Variants in SLC4A2 observed in about 807,000 individuals in gnomAD.
SLC4A2 encodes solute carrier family 4 member 2.
SLC4A2 carries 36 observed loss-of-function variants against 115.0 expected under a neutral mutation model. The observed-to-expected ratio is 0.31, with a 90% CI of 0.24 to 0.41. The LOEUF is 0.41. SLC4A2 is among the 10% of genes least tolerant of loss of function. SLC4A2 has a pLI of 1.00. For synonymous variants in SLC4A2, 708 were observed against 708.3 expected, an observed-to-expected ratio of 1.00 and a Z score of 0.01; for missense variants, 1,252 against 1,705.6, an observed-to-expected ratio of 0.73 and a Z score of 4.68.
At chr7:151,062,518 AT>A in intron 2 of SLC4A2, 1 of 1,368,854 alleles carries the variant, frequency 7.3e-7, no homozygotes, top group Non-Finnish European at 9.4e-7. Flanking sequence ...AGGAGTCTTA[AT>A]GATTAACCCC....
intron 16 of SLC4A2, among the ~76,000 whole-genome samples, chr7:151,073,440 C>T (rs1223506133): frequency 2.0e-5 from 3 of 151,970 alleles, no homozygotes; most frequent in Admixed American, 6.6e-5. Context: ...GTGCCCACCA[C>T]GCCCAGCTAG....
intron 2 of SLC4A2, chr7:151,062,688 TC>T (rs1797092390): frequency 1.3e-6 from 2 of 1,492,314 alleles, no homozygotes; most frequent in Non-Finnish European, 8.9e-7. Flanking sequence ...CGACCCTCTC[TC>T]CCCATGGCGG....
intron 21 of SLC4A2, 28 bp from the exon 22 acceptor site, chr7:151,075,984 AG>A (rs760059602): frequency 6.4e-7 from 1 of 1,556,750 alleles, no homozygotes; most frequent in South Asian, 1.2e-5. Flanking sequence ...CTAGGGAGGA[AG>A]CTGGGCTCAC....
intron 2 of SLC4A2, among the ~76,000 whole-genome samples, chr7:151,063,857 T>C (rs979075564): frequency 7.2e-5 from 11 of 152,110 alleles, no homozygotes; most frequent in African/African-American, 2.7e-4. Context: ...GCCTCCTGAG[T>C]AGCTGGGATT....
rs200155533 is a variant in SLC4A2, at chr7:151,070,101, G to A, written c.1283+19G>A. ...AACACAGGTGAGGCCCTGTGGGCCA[G>A]TTGGGGATGACACTTCAGCCCACCT... On this transcript the variant is annotated intron_variant, in intron 9 of 22. Coordinates refer to ENST00000413384, the MANE Select transcript of SLC4A2 (RefSeq NM_003040.4). The A allele has an allele frequency of 3.7e-4, 605 of 1,613,916 alleles. No homozygotes were observed. Among genetic ancestry groups the A allele is most frequent in the Non-Finnish European group, 4.8e-4 (563 of 1,179,864 alleles).
Position 151,061,964 on chromosome 7 carries a change from A to G in SLC4A2, c.-24A>G. On this transcript the variant is annotated 5_prime_UTR_variant, in exon 2 of 23. Transcript: ENST00000413384. ...TCGTTGCCCTGAAAGCCGCAGCGACAGCGAAAAGGGCTAAGATTCGGCCAT... is the reference window on the plus strand; with the variant it reads ...TCGTTGCCCTGAAAGCCGCAGCGACGGCGAAAAGGGCTAAGATTCGGCCAT... 6.2e-7 allele frequency: 1 copy of G among 1,608,212 alleles called. No homozygotes were observed. The highest frequency in any genetic ancestry group is 8.5e-7 in the Non-Finnish European group (1 of 1,178,722).
At chr7:151,062,652 C>T (rs1010710345) in intron 2 of SLC4A2, 3 of 1,524,694 alleles carry the variant, frequency 2.0e-6, no homozygotes, top group African/African-American at 2.8e-5. Flanking sequence ...GGACTTCCTC[C>T]TGCGGCCTCA....
intron 8 of SLC4A2, among the ~76,000 whole-genome samples, chr7:151,069,666 C>T: frequency 6.6e-6 from 1 of 152,070 alleles, no homozygotes; most frequent in Non-Finnish European, 1.5e-5. Context: ...GAAGGGGTGT[C>T]TGACAGGCGT....
In SLC4A2 at chr7:151,074,430, C is replaced by T. The variant is rs1285055295; in HGVS notation, c.2822C>T (p.Pro941Leu). 1.2e-6 allele frequency: 2 copies of T among 1,614,004 alleles called. No individual in the cohort carries two copies. The highest frequency in any genetic ancestry group is 1.7e-5 in the Admixed American group (1 of 60,028). ...IRRVIGDFGV[P>L]IAILIMVLVD... ...CGGGTGATTGGGGACTTTGGGGTGC[C>T]CATCGCCATCCTCATCATGGTGCTT... Residue 941 changes from proline (P) to leucine (L), a missense_variant, in exon 18 of 23, where the codon CCC (proline) becomes CTC (leucine). By Grantham distance (98) the Pro-to-Leu change is moderately conservative. Transcript: ENST00000413384.
chr7:151,072,369 G>C (rs1228798666), intron 16 of SLC4A2, among the ~76,000 whole-genome samples: 1 of 151,838 alleles, frequency 6.6e-6, no homozygotes. Flanking sequence ...TTGGCTCCCC[G>C]CAACTTCTGC....
upstream of SLC4A2, chr7:151,058,852 A>G (rs1032815412): frequency 6.6e-6 from 1 of 152,284 alleles, no homozygotes; most frequent in Non-Finnish European, 1.5e-5. Context: ...CTTGAGGGCT[A>G]TGGACCGAGG....
rs150503454 is a variant in SLC4A2, at chr7:151,071,498, A to T, written c.2084A>T (p.His695Leu). ...CGAGATGTGCGGCGCCGCTATCCCC[A>T]CTACCTGAGTGACTTCCGAGATGCA... is the stretch of plus-strand genomic sequence containing the variant. ...LIRDVRRRYP[H>L]YLSDFRDALD... Residue 695 changes from histidine (H) to leucine (L), a missense_variant, in exon 14 of 23, where the codon CAC becomes CTC. His to Leu is a moderately conservative substitution (Grantham distance 99). This residue lies in a region of SLC4A2 where 122 missense variants were observed against 116.8 expected (regional missense o/e 1.04). Coordinates refer to ENST00000413384, the MANE Select transcript of SLC4A2 (RefSeq NM_003040.4). This position sits in a 1 kb window ranked among gnomAD's most constrained non-coding sequence, Gnocchi z 5.5. 3.2e-5 allele frequency: 51 copies of T among 1,613,418 alleles called. No individual in the cohort carries two copies. Among genetic ancestry groups the T allele is most frequent in the Non-Finnish European group, 4.2e-5 (49 of 1,179,972 alleles).
In SLC4A2 at chr7:151,076,387, G is replaced by C. The variant is rs199681751; in HGVS notation, c.*20G>C. Reference sequence around the variant, plus strand: ...GTGTAGCCGCCACCGAGGGACAGCCGAGGGACCGATGGACGAGGGGACAGG... The same window carrying C: ...GTGTAGCCGCCACCGAGGGACAGCCCAGGGACCGATGGACGAGGGGACAGG... On this transcript the variant is annotated 3_prime_UTR_variant, in exon 23 of 23. Coordinates refer to ENST00000413384, the MANE Select transcript of SLC4A2 (RefSeq NM_003040.4). 3.4e-6 allele frequency: 5 copies of C among 1,479,308 alleles called. No homozygotes were observed. In the Admixed American group the frequency reaches 1.3e-4, roughly 38 times the overall value. The allele number at this position is 1,479,308 out of a possible 1,614,324, so 91.6% of individuals were successfully genotyped here. A position where few individuals can be genotyped will look rare whatever the true frequency, so the allele number is the denominator to read the frequency against.
chr7:151,072,461 T>C (rs923795757), intron 16 of SLC4A2, among the ~76,000 whole-genome samples: 1 of 151,526 alleles, frequency 6.6e-6, no homozygotes, highest in African/African-American at 2.4e-5. Context: ...CTGGCTAATT[T>C]TTGTAATTTT....
In SLC4A2 at chr7:151,071,231, C is replaced by T. The variant is rs916701727; in HGVS notation, c.1909C>T (p.Arg637Ter). The T allele has an allele frequency of 2.5e-6, 4 of 1,586,312 alleles. No homozygotes were observed. Among genetic ancestry groups the T allele is most frequent in the Middle Eastern group, 1.7e-4 (1 of 5,818 alleles). Residue 637 changes from arginine to a stop codon, truncating the protein, a stop_gained, in exon 13 of 23, where the codon CGA (arginine) becomes TGA (stop). Coordinates refer to ENST00000413384, the MANE Select transcript of SLC4A2 (RefSeq NM_003040.4). LOFTEE classifies it high-confidence loss of function. This position sits in a 1 kb window ranked among gnomAD's most constrained non-coding sequence, Gnocchi z 5.5. ...CTTCCAGCGCCAGATGCTCAAGAAG[C>T]GAGAGGAGCAGGGCCGGCTGCTACC... ...AHFQRQMLKKREEQGRLLPTG... is the reference protein window; with the variant it reads ...AHFQRQMLKK
Position 151,076,332 on chromosome 7 carries a change from G to A in SLC4A2, c.3691G>A (p.Val1231Met), listed in dbSNP as rs1396859116. The A allele has an allele frequency of 6.5e-7, 1 of 1,536,232 alleles. No individual in the cohort carries two copies. The highest frequency in any genetic ancestry group is 8.8e-7 in the Non-Finnish European group (1 of 1,139,850). ...GCCGGTGTTTGATGAGCGGGAGGGT[G>A]TGGACGAGTACAATGAGATGCCCAT... ...AEPVFDEREG[V>M]DEYNEMPMPV The change falls in exon 23 of 23, where the codon GTG becomes ATG. Residue 1231 changes from valine to methionine, a missense_variant. Val to Met is a conservative substitution (Grantham distance 21). This residue lies in a region of SLC4A2 where 5 missense variants were observed against 16.9 expected (regional missense o/e 0.30). Transcript: ENST00000413384.
In SLC4A2 at chr7:151,066,447, G is replaced by A. The variant is rs1402065188; in HGVS notation, c.579-70G>A. Reference sequence around the variant, plus strand: ...GATGTGGGTCCCCTCCCTGGCTACCGCCTGCGTGGGTGCTGGGCGTGGGGG... The same window carrying A: ...GATGTGGGTCCCCTCCCTGGCTACCACCTGCGTGGGTGCTGGGCGTGGGGG... On this transcript the variant is annotated intron_variant, in intron 5 of 22. Transcript: ENST00000413384. 12 of 1,438,664 alleles carry A rather than the reference G, an allele frequency of 8.3e-6. No homozygotes were observed. In the South Asian group the frequency reaches 1.2e-4, roughly 14 times the overall value. 89.1% of individuals were successfully genotyped at this position (1,438,664 alleles called of 1,614,324 possible). A position where few individuals can be genotyped will look rare whatever the true frequency, so the allele number is the denominator to read the frequency against.
intron 2 of SLC4A2, chr7:151,063,066 G>A (rs1797107279): frequency 2.0e-6 from 3 of 1,510,524 alleles, no homozygotes; most frequent in Non-Finnish European, 2.6e-6. Flanking sequence ...TGGGTGGGTG[G>A]GGGGCTGGAC....
Position 151,068,374 on chromosome 7 carries a change from G to A in SLC4A2, c.1147+320G>A, listed in dbSNP as rs185632574. ...TAATCTGCAGCTGTGTAGACCTCAC[G>A]AAATGACCACCGACCACAGATGCAG... On this transcript the variant is annotated intron_variant, in intron 8 of 22. Transcript: ENST00000413384. Among the ~76,000 whole-genome samples, 288 of 151,994 alleles carry A rather than the reference G, an allele frequency of 1.9e-3. 1 individual carries two copies. The highest frequency in any genetic ancestry group is 6.3e-3 in the African/African-American group (260 of 41,416).
Sources: gnomAD v4.1 joint callset for allele counts (sites outside exome capture counted in the v4.1 genomes callset) on GRCh38, gnomAD v4.1.1 for gene constraint, gnomAD v4.1.1 regional missense constraint, Gnocchi (gnomAD v3.1) non-coding constraint, MANE v1.5 for transcripts, NCBI Gene and HGNC (gene_info 2026-07-23, HGNC 2026-07-21) for gene names.